The following ZNF385B variants were observed in gnomAD, a reference collection of about 807,000 sequenced individuals.
ZNF385B encodes the protein zinc finger protein 385B, also known as zinc finger protein 533.
ZNF385B carries 23 observed loss-of-function variants against 39.2 expected under a neutral mutation model. The ratio of observed to expected loss-of-function variants is 0.59; its 90% CI spans 0.42 to 0.83. The LOEUF is 0.83. Among genes scored for constraint, ZNF385B ranks in the 40% least tolerant of loss-of-function variants. The pLI is 0.00. For synonymous variants in ZNF385B, 205 were observed against 222.6 expected (o/e 0.92, Z 0.70); for missense variants, 552 against 598.9 (o/e 0.92, Z 0.82).
chr2:179,494,936 G>T (rs916988340), intron 5 of ZNF385B, among the ~76,000 whole-genome samples: 5 of 151,988 alleles, frequency 3.3e-5, no homozygotes, highest in South Asian at 2.1e-4. Flanking sequence ...TTTTATTATT[G>T]TGTGGTAGCT....
chr2:179,442,159 G>C lies in ZNF385B; in HGVS notation c.*1091C>G, dbSNP rs2049031723. The stretch of plus-strand genomic sequence containing the variant: ...GTCTTGTTGATATCGGCTTAGAAAG[G>C]GGGGCATGGGAGCATGACCTGCAAT... On this transcript the variant is annotated 3_prime_UTR_variant, in exon 10 of 10. Coordinates refer to ENST00000410066, the MANE Select transcript of ZNF385B (RefSeq NM_152520.6). The C allele has an allele frequency of 1.3e-5, 2 of 152,568 alleles. No homozygotes were observed. Among genetic ancestry groups the C allele is most frequent in the Admixed American group, 6.5e-5 (1 of 15,272 alleles). The allele number at this position is 152,568 out of a possible 1,614,324, so 9.5% of individuals were successfully genotyped here. A position where few individuals can be genotyped will look rare whatever the true frequency, so the allele number is the denominator to read the frequency against.
intron 6 of ZNF385B, among the ~76,000 whole-genome samples, chr2:179,470,768 G>C (rs570908358): frequency 2.0e-5 from 3 of 152,086 alleles, no homozygotes; most frequent in African/African-American, 7.2e-5. Context: ...TCATAAAAAA[G>C]GTACCCTAGA....
chr2:179,638,760 A>C (rs3112941), intron 3 of ZNF385B, among the ~76,000 whole-genome samples: 1 of 152,088 alleles, frequency 6.6e-6, no homozygotes, highest in Non-Finnish European at 1.5e-5. Context: ...GGATGGGACC[A>C]AGTTAGGGCT....
rs186514337 is a variant in ZNF385B at position 179,829,760 on chromosome 2, G to A, written c.-155+31341C>T. ...GATCTCCTGACCTCGTGATCTGCCC[G>A]CCTTGGCCTCCCAAAGTGCTGGGAT... On this transcript the variant is annotated intron_variant, in intron 1 of 9. Transcript: ENST00000410066. 6.7e-4 allele frequency among the ~76,000 whole-genome samples: 102 copies of A among 152,278 alleles called. No homozygotes were observed. In the East Asian group the frequency reaches 0.016, roughly 23 times the overall value.
At chr2:179,576,030 T>C in intron 3 of ZNF385B, 5 of 516,032 alleles carry the variant, frequency 9.7e-6, no homozygotes, top group Non-Finnish European at 1.2e-5. Flanking sequence ...CTTGTATTCT[T>C]TAAGTTAGAC....
At chr2:179,471,603 T>C (rs2105522950) in intron 6 of ZNF385B, among the ~76,000 whole-genome samples, 1 of 152,350 alleles carries the variant, frequency 6.6e-6, no homozygotes, top group African/African-American at 2.4e-5. Context: ...ATAGAATGCT[T>C]GAAATATTTA....
intron 1 of ZNF385B, among the ~76,000 whole-genome samples, chr2:179,775,734 G>T (rs1209560976): frequency 2.0e-5 from 3 of 152,160 alleles, no homozygotes; most frequent in African/African-American, 7.2e-5. Flanking sequence ...CATCTTAGAG[G>T]ATCTTCGTAT....
intron 6 of ZNF385B, among the ~76,000 whole-genome samples, chr2:179,460,154 T>C (rs182790828): frequency 2.6e-5 from 4 of 152,056 alleles, no homozygotes; most frequent in African/African-American, 9.6e-5. Context: ...CTCATAGTAG[T>C]AAGTGCACTA....
At chr2:179,636,955 A>G (rs1691815315) in intron 3 of ZNF385B, among the ~76,000 whole-genome samples, 1 of 152,198 alleles carries the variant, frequency 6.6e-6, no homozygotes, top group South Asian at 2.1e-4. Context: ...TTTGTGTATT[A>G]AAAATACATC....
chr2:179,763,781 T>C (rs1228082135), intron 3 of ZNF385B, among the ~76,000 whole-genome samples: 1 of 152,206 alleles, frequency 6.6e-6, no homozygotes, highest in Non-Finnish European at 1.5e-5. Context: ...TTTCCTGTTG[T>C]TTTTCTACTA....
At chr2:179,716,540 T>A (rs114728229) in intron 3 of ZNF385B, among the ~76,000 whole-genome samples, 1 of 152,210 alleles carries the variant, frequency 6.6e-6, no homozygotes, top group Non-Finnish European at 1.5e-5. Flanking sequence ...TACTTAAAAA[T>A]TGTGTAGCAA....
chr2:179,740,366 A>T (rs1220273404), intron 3 of ZNF385B, among the ~76,000 whole-genome samples: 1 of 152,212 alleles, frequency 6.6e-6, no homozygotes, highest in African/African-American at 2.4e-5. Context: ...GGAAGAAGTC[A>T]GGGACAGAGG....
intron 3 of ZNF385B, among the ~76,000 whole-genome samples, chr2:179,720,029 T>C (rs1329491125): frequency 6.6e-6 from 1 of 152,064 alleles, no homozygotes. Context: ...AAATCAGGAG[T>C]TGTTTTCACA....
rs2050343846 is a variant in ZNF385B at position 179,453,357 on chromosome 2, G to A, written c.716-6587C>T. ...CCTCAGAAACCCCCAACACAGTCCT[G>A]CAGGATTTATAAAATTTAGTAGAAC... On this transcript the variant is annotated intron_variant, in intron 6 of 9. Coordinates refer to ENST00000410066, the MANE Select transcript of ZNF385B (RefSeq NM_152520.6). Among the ~76,000 whole-genome samples, 5 of 152,090 alleles carry A rather than the reference G, an allele frequency of 3.3e-5. No individual in the cohort carries two copies. The South Asian group carries it at 1.0e-3, about 32-fold the overall frequency.
intron 3 of ZNF385B, among the ~76,000 whole-genome samples, chr2:179,592,197 G>A (rs1212703908): frequency 2.0e-5 from 3 of 151,858 alleles, no homozygotes; most frequent in African/African-American, 7.3e-5. Flanking sequence ...CAGAAAACAC[G>A]TTGCTCTCTC....
intron 1 of ZNF385B, among the ~76,000 whole-genome samples, chr2:179,826,046 A>G (rs900259327): frequency 1.3e-5 from 2 of 151,876 alleles, no homozygotes; most frequent in Non-Finnish European, 2.9e-5. Context: ...TTTTTACATC[A>G]CCTCTGTGAG....
In ZNF385B at chr2:179,731,153, G is replaced by A. The variant is rs1189836744; in HGVS notation, c.298+38350C>T. Among the ~76,000 whole-genome samples the A allele has an allele frequency of 2.6e-5, 4 of 152,204 alleles. No individual in the cohort carries two copies. In the South Asian group the frequency reaches 6.2e-4, roughly 24 times the overall value. ...TGTTCCCACTTTGTAAAAAGAGGTA[G>A]CCAAGAATTCAAACTTAGAAAGGTG... On this transcript the variant is annotated intron_variant, in intron 3 of 9. Coordinates refer to ENST00000410066, the MANE Select transcript of ZNF385B (RefSeq NM_152520.6).
chr2:179,565,373 T>C (rs868271), intron 3 of ZNF385B, among the ~76,000 whole-genome samples: 57,973 of 152,072 alleles, frequency 0.38, 11,603 homozygotes, highest in Middle Eastern at 0.45. Flanking sequence ...AAATTCTTAC[T>C]ATGGTGGCTA....
At chr2:179,533,189 A>C (rs1473913354) in intron 4 of ZNF385B, among the ~76,000 whole-genome samples, 2 of 152,174 alleles carry the variant, frequency 1.3e-5, no homozygotes, top group African/African-American at 2.4e-5. Context: ...GCACTCTCTG[A>C]AAACAATGGA....
Sources: gnomAD v4.1 joint callset for allele counts (sites outside exome capture counted in the v4.1 genomes callset) on GRCh38, gnomAD v4.1.1 for gene constraint, MANE v1.5 for transcripts, NCBI Gene and HGNC (gene_info 2026-07-23, HGNC 2026-07-21) for gene names.